PANK3: variants seen among roughly 807,000 people sequenced by gnomAD.
The protein encoded by PANK3 is pantothenate kinase 3.
In PANK3, 20 loss-of-function variants were observed where a neutral mutation model predicts 39.4. The observed-to-expected ratio is 0.51, with a 90% CI of 0.36 to 0.74. The LOEUF is 0.74. Ranked by LOEUF, PANK3 falls within the 30% of genes least tolerant of loss-of-function variation. PANK3 has a pLI of 0.00. For synonymous variants in PANK3, 140 were observed against 157.3 expected, an observed-to-expected ratio of 0.89 and a Z score of 0.82; for missense variants, 265 against 437.0, an observed-to-expected ratio of 0.61 and a Z score of 3.51.
rs1759281140 is a variant in PANK3, at chr5:168,552,143, G to A, written c.*5428C>T. 6.6e-6 allele frequency: 1 copy of A among 152,112 alleles called. No homozygotes were observed. 9.4% of individuals were successfully genotyped at this position (152,112 alleles called of 1,614,324 possible). On this transcript the variant is annotated 3_prime_UTR_variant, in exon 7 of 7. Transcript: ENST00000239231. ...GTGGTTGCATTTGAAAAAGTTACCA[G>A]ATTTTTTAAGAATGAAAATTAAGCC...
intron 1 of PANK3, among the ~76,000 whole-genome samples, chr5:168,570,105 G>C (rs1241338377): frequency 6.6e-6 from 1 of 152,062 alleles, no homozygotes; most frequent in Non-Finnish European, 1.5e-5. Flanking sequence ...TCTCCAGGCC[G>C]GGCGCGGTGG....
At chr5:168,559,497 T>C (rs1759409741) in intron 5 of PANK3, among the ~76,000 whole-genome samples, 3 of 152,122 alleles carry the variant, frequency 2.0e-5, no homozygotes, top group Non-Finnish European at 4.4e-5. Flanking sequence ...TGTGTGTGTA[T>C]GGAAGGTGGT....
At chr5:168,579,173 GA>G in intron 1 of PANK3, 82 bp downstream of exon 1, 1 of 1,309,914 alleles carries the variant, frequency 7.6e-7, no homozygotes, top group East Asian at 3.0e-5. Flanking sequence ...GACGGGCTTG[GA>G]AGCCGACCGC....
intron 1 of PANK3, among the ~76,000 whole-genome samples, chr5:168,574,528 A>T (rs1224150027): frequency 6.6e-6 from 1 of 152,182 alleles, no homozygotes; most frequent in African/African-American, 2.4e-5. Context: ...CATTAAGTAC[A>T]ACCACAGGTC....
At position 168,557,174 on chromosome 5, in the gene PANK3, C is replaced by T. The variant is rs1283329249; in HGVS notation, c.*397G>A. On this transcript the variant is annotated 3_prime_UTR_variant, in exon 7 of 7. Transcript: ENST00000239231. ...TGAATACAGGGTATGTTATTTTCTGCTCACTAGTAATCAAAACACATAAAA... is the reference window on the plus strand; with the variant it reads ...TGAATACAGGGTATGTTATTTTCTGTTCACTAGTAATCAAAACACATAAAA... 6.2e-6 allele frequency: 1 copy of T among 162,134 alleles called. No homozygotes were observed. The highest frequency in any genetic ancestry group is 6.2e-5 in the Admixed American group (1 of 16,178). The allele number at this position is 162,134 out of a possible 1,614,324, so 10.0% of individuals were successfully genotyped here.
intron 1 of PANK3, among the ~76,000 whole-genome samples, chr5:168,569,298 C>A (rs1487218607): frequency 2.0e-5 from 3 of 149,478 alleles, no homozygotes; most frequent in African/African-American, 7.4e-5. Context: ...CATTCTCCTG[C>A]CTCAGCCTCC....
At chr5:168,573,639 G>C (rs1335031045) in intron 1 of PANK3, among the ~76,000 whole-genome samples, 2 of 150,580 alleles carry the variant, frequency 1.3e-5, no homozygotes, top group Non-Finnish European at 3.0e-5. Context: ...CTAGCATTAG[G>C]TATATCTCCC....
intron 1 of PANK3, among the ~76,000 whole-genome samples, chr5:168,571,829 T>C (rs1198158680): frequency 1.3e-5 from 2 of 152,180 alleles, no homozygotes; most frequent in Non-Finnish European, 2.9e-5. Context: ...AGCTCGTTCG[T>C]CTTTATATTT....
chr5:168,563,024 CAA>C (rs1005003690), intron 4 of PANK3, among the ~76,000 whole-genome samples: 1 of 151,034 alleles, frequency 6.6e-6, no homozygotes, highest in Non-Finnish European at 1.5e-5. Flanking sequence ...GAAAAAAAAA[CAA>C]AAAACCTGAA....
rs1419002020 is a variant in PANK3 at position 168,556,076 on chromosome 5, GT to G, written c.*1494del. 6.6e-6 allele frequency: 1 copy of G among 152,194 alleles called. No individual in the cohort carries two copies. The highest frequency in any genetic ancestry group is 6.5e-5 in the Admixed American group (1 of 15,286). The allele number at this position is 152,194 out of a possible 1,614,324, so 9.4% of individuals were successfully genotyped here. A position where few individuals can be genotyped will look rare whatever the true frequency, so the allele number is the denominator to read the frequency against. On this transcript the variant is annotated 3_prime_UTR_variant, in exon 7 of 7. Transcript: ENST00000239231. ...AATTCAGACTCATCTACCTTTCCAA[GT>G]TAGACAGTTGGGGAAAGAACTTCCT...
At position 168,553,078 on chromosome 5, in the gene PANK3, T is replaced by A; in HGVS notation, c.*4493A>T. The A allele has an allele frequency of 2.4e-6, 1 of 418,560 alleles. No individual in the cohort carries two copies. Among genetic ancestry groups the A allele is most frequent in the Non-Finnish European group, 4.7e-6 (1 of 213,982 alleles). 25.9% of individuals were successfully genotyped at this position (418,560 alleles called of 1,614,324 possible). A position where few individuals can be genotyped will look rare whatever the true frequency, so the allele number is the denominator to read the frequency against. The stretch of plus-strand genomic sequence containing the variant: ...ATCTCATTAGTACTCTTCCTTTCTG[T>A]TAATGAGCAAAAACTTACGACTTCC... On this transcript the variant is annotated 3_prime_UTR_variant, in exon 7 of 7. Coordinates refer to ENST00000239231, the MANE Select transcript of PANK3 (RefSeq NM_024594.4).
At chr5:168,577,397 A>C (rs1348257689) in intron 1 of PANK3, among the ~76,000 whole-genome samples, 1 of 152,180 alleles carries the variant, frequency 6.6e-6, no homozygotes, top group Non-Finnish European at 1.5e-5. Flanking sequence ...GTAATAATCA[A>C]CTTATTTGGG....
At chr5:168,570,679 G>A (rs905197991) in intron 1 of PANK3, among the ~76,000 whole-genome samples, 7 of 152,238 alleles carry the variant, frequency 4.6e-5, no homozygotes, top group Non-Finnish European at 8.8e-5. Context: ...TAAGGAACTA[G>A]AAAAAGGGGG....
intron 1 of PANK3, among the ~76,000 whole-genome samples, chr5:168,574,164 T>A (rs868196944): frequency 2.0e-5 from 3 of 150,400 alleles, no homozygotes; most frequent in African/African-American, 7.4e-5. Flanking sequence ...TTTCTCCACA[T>A]CCTCTCCAGC....
rs1542469 is a variant in PANK3 at position 168,568,991 on chromosome 5, T to C, written c.36A>G (p.Pro12=). The C allele has an allele frequency of 7.1e-4, 862 of 1,213,300 alleles. 14 individuals are homozygous for C. The East Asian group carries it at 0.022, about 31-fold the overall frequency. 75.2% of individuals were successfully genotyped at this position (1,213,300 alleles called of 1,614,324 possible). Reference sequence around the variant, plus strand: ...TTCCCCCAATGTCCATGCCAAACCATGGGAAAGCTATGGGAGGAAAAAAAA... The same window carrying C: ...TTCCCCCAATGTCCATGCCAAACCACGGGAAAGCTATGGGAGGAAAAAAAA... The part of the protein sequence containing the change: ...KIKDAKKPSF[P]WFGMDIGGTL... The change falls in exon 2 of 7, where the codon CCA becomes CCG. Residue 12 remains proline, a synonymous_variant. Coordinates refer to ENST00000239231, the MANE Select transcript of PANK3 (RefSeq NM_024594.4).
At chr5:168,567,336 G>C (rs1759552705) in intron 2 of PANK3, among the ~76,000 whole-genome samples, 1 of 152,082 alleles carries the variant, frequency 6.6e-6, no homozygotes, top group South Asian at 2.1e-4. Context: ...TCTACCCACG[G>C]ATAGATTAAT....
rs1187352651 is a variant in PANK3, at chr5:168,557,589, C to G, written c.1095G>C (p.Gly365=). The G allele has an allele frequency of 6.2e-7, 1 of 1,613,874 alleles. No homozygotes were observed. Among genetic ancestry groups the G allele is most frequent in the Admixed American group, 1.7e-5 (1 of 59,952 alleles). Reference sequence around the variant, plus strand: ...TGATGCTTTAGCTGAAATTTGGCAGCCCAAGAAGTGCACCAACTGCTCCAA... The same window carrying G: ...TGATGCTTTAGCTGAAATTTGGCAGGCCAAGAAGTGCACCAACTGCTCCAA... ...GYFGAVGALL[G]LPNFS Residue 365 remains glycine, a synonymous_variant, in exon 7 of 7, where the codon GGG becomes GGC. Transcript: ENST00000239231.
Position 168,557,582 on chromosome 5 carries a change from T to C in PANK3, c.1102A>G (p.Asn368Asp), listed in dbSNP as rs560089644. ...AGAGACCTGATGCTTTAGCTGAAATTTGGCAGCCCAAGAAGTGCACCAACT... is the reference window on the plus strand; with the variant it reads ...AGAGACCTGATGCTTTAGCTGAAATCTGGCAGCCCAAGAAGTGCACCAACT... Reference protein sequence around the residue: ...GAVGALLGLPNFS With the variant: ...GAVGALLGLPDFS The change falls in exon 7 of 7, where the codon AAT becomes GAT. Residue 368 changes from asparagine (N) to aspartate (D), a missense_variant. This residue lies in a region of PANK3 where 110 missense variants were observed against 161.2 expected (regional missense o/e 0.68). Coordinates refer to ENST00000239231, the MANE Select transcript of PANK3 (RefSeq NM_024594.4). The C allele has an allele frequency of 2.5e-6, 4 of 1,613,916 alleles. No homozygotes were observed. Among genetic ancestry groups the C allele is most frequent in the East Asian group, 4.5e-5 (2 of 44,850 alleles).
intron 2 of PANK3, among the ~76,000 whole-genome samples, chr5:168,567,287 C>T (rs776922484): frequency 6.6e-6 from 1 of 152,196 alleles, no homozygotes; most frequent in East Asian, 1.9e-4. Context: ...CATATAACTA[C>T]TTCATGATGT....
Sources: gnomAD v4.1 joint callset for allele counts (sites outside exome capture counted in the v4.1 genomes callset) on GRCh38, gnomAD v4.1.1 for gene constraint, gnomAD v4.1.1 regional missense constraint, MANE v1.5 for transcripts, NCBI Gene and HGNC (gene_info 2026-07-23, HGNC 2026-07-21) for gene names.